The following CACNA1B variants were observed in gnomAD, a reference collection of about 807,000 sequenced individuals.
CACNA1B encodes the protein calcium voltage-gated channel subunit alpha1 B, also known as voltage-dependent N-type calcium channel subunit alpha-1B.
Under a neutral mutation model 247.2 loss-of-function variants are expected in CACNA1B, and 70 were observed. The observed-to-expected ratio is 0.28, with a 90% CI of 0.23 to 0.35. The LOEUF (loss-of-function observed/expected upper bound fraction) is 0.35, where lower values mean the gene tolerates loss of function less well. Among genes scored for constraint, CACNA1B ranks in the 10% least tolerant of loss-of-function variants. The pLI is 1.00. For synonymous variants in CACNA1B, 1,231 were observed against 1,294.4 expected, an observed-to-expected ratio of 0.95 and a Z score of 1.05; for missense variants, 2,367 against 3,197.4, an observed-to-expected ratio of 0.74 and a Z score of 6.26.
intron 20 of CACNA1B, among the ~76,000 whole-genome samples, chr9:138,025,552 G>A (rs1228638094): frequency 1.3e-5 from 2 of 152,204 alleles, no homozygotes; most frequent in African/African-American, 2.4e-5. Context: ...CTCTGTCCAC[G>A]GCCTTGACTG....
chr9:138,023,888 A>G, intron 19 of CACNA1B, 77 bp downstream of exon 19: 1 of 742,562 alleles, frequency 1.3e-6, no homozygotes, highest in South Asian at 1.5e-5. Flanking sequence ...GGCTGCGGCC[A>G]TGGGGTCCAC....
chr9:138,116,672 C>T (rs1319567469), intron 42 of CACNA1B, among the ~76,000 whole-genome samples: 1 of 152,174 alleles, frequency 6.6e-6, no homozygotes, highest in Non-Finnish European at 1.5e-5. Flanking sequence ...CAGAGAGCAC[C>T]CACTCAGACT....
chr9:138,043,709 G>A (rs1201350486), intron 20 of CACNA1B, 65 bp from the exon 21 acceptor site: 4 of 1,592,812 alleles, frequency 2.5e-6, no homozygotes, highest in Non-Finnish European at 3.4e-6. Flanking sequence ...GAGCTGGGAG[G>A]GAGCCACGCA....
chr9:138,112,418 T>G lies in CACNA1B; in HGVS notation c.5449T>G (p.Cys1817Gly), dbSNP rs1458247319. The G allele has an allele frequency of 1.2e-6, 2 of 1,613,076 alleles. No homozygotes were observed. Among genetic ancestry groups the G allele is most frequent in the Non-Finnish European group, 1.7e-6 (2 of 1,179,072 alleles). ...LAPAGTKQHQ[C>G]DAELRKEISV... ...TGCAGCTGGGACAAAGCAGCATCAG[T>G]GTGACGCGGAGTTGAGGAAGGAGAT... The change falls in exon 40 of 47, where the codon TGT becomes GGT. Residue 1817 changes from cysteine to glycine, a missense_variant. Physicochemically the swap from Cys to Gly is radical, Grantham distance 159. Around this residue, in one of 12 missense-constraint regions of CACNA1B, gnomAD observed 773 missense variants for 779.4 expected, o/e 0.99. Transcript: ENST00000371372.
At chr9:138,025,901 G>T (rs1958915152) in intron 20 of CACNA1B, among the ~76,000 whole-genome samples, 1 of 151,990 alleles carries the variant, frequency 6.6e-6, no homozygotes, top group South Asian at 2.1e-4. Flanking sequence ...TAAGTACAGA[G>T]AAAAAAGGGG....
intron 20 of CACNA1B, among the ~76,000 whole-genome samples, chr9:138,043,487 G>C (rs1055407183): frequency 6.6e-6 from 1 of 152,136 alleles, no homozygotes. Flanking sequence ...GCCCCTCAGC[G>C]CGGCAGAGGG....
chr9:138,103,328 A>C (rs1961317092), intron 38 of CACNA1B, among the ~76,000 whole-genome samples: 1 of 152,124 alleles, frequency 6.6e-6, no homozygotes, highest in Non-Finnish European at 1.5e-5. Context: ...CTCTGGGCCC[A>C]GGCTGCAGTC....
intron 3 of CACNA1B, among the ~76,000 whole-genome samples, chr9:137,889,763 T>C (rs1230534185): frequency 1.3e-5 from 2 of 149,672 alleles, no homozygotes; most frequent in Non-Finnish European, 1.5e-5. Context: ...CCTGAGAAGG[T>C]GCTGCTCTGA....
At chr9:138,074,461 G>C (rs1212502932) in intron 34 of CACNA1B, among the ~76,000 whole-genome samples, 1 of 152,198 alleles carries the variant, frequency 6.6e-6, no homozygotes, top group Non-Finnish European at 1.5e-5. Flanking sequence ...GGCTGGTATT[G>C]AACTCCTGAC....
At chr9:137,970,817 G>T (rs1239559115) in intron 10 of CACNA1B, among the ~76,000 whole-genome samples, 2 of 152,188 alleles carry the variant, frequency 1.3e-5, no homozygotes, top group African/African-American at 4.8e-5. Flanking sequence ...GGCTGGAGCA[G>T]GTAGACAAAG....
In CACNA1B at chr9:138,058,024, G is replaced by A; in HGVS notation, c.4107-25G>A. The A allele has an allele frequency of 6.2e-7, 1 of 1,605,080 alleles. No homozygotes were observed. On this transcript the variant is annotated intron_variant, in intron 27 of 46. Transcript: ENST00000371372. This position sits in a 1 kb window ranked among gnomAD's most constrained non-coding sequence, Gnocchi z 4.7. ...GGCTGTCTCCTTTGGGGGTTCCCCT[G>A]ACACTTGCTCTCCTCTTTGCCCAGG...
chr9:138,058,232 C>T lies in CACNA1B; in HGVS notation c.4290C>T (p.Cys1430=). 1 of 1,613,568 alleles carries T rather than the reference C, an allele frequency of 6.2e-7. No individual in the cohort carries two copies. Among genetic ancestry groups the T allele is most frequent in the Non-Finnish European group, 8.5e-7 (1 of 1,179,472 alleles). Residue 1430 remains cysteine, a synonymous_variant, in exon 28 of 47, where the codon TGC becomes TGT. Transcript: ENST00000371372. The surrounding 1 kb of genome is among the most constrained non-coding windows in gnomAD (Gnocchi z 4.7). ...QEQGDKVMSE[C]SLEKNERACI... ...AGGGGGACAAGGTGATGTCTGAATG[C>T]AGCCTGGAGAAGAACGAGGTAGGTG... is the stretch of plus-strand genomic sequence containing the variant.
At chr9:137,916,617 T>C (rs2133282260) in intron 5 of CACNA1B, among the ~76,000 whole-genome samples, 1 of 152,338 alleles carries the variant, frequency 6.6e-6, no homozygotes, top group Admixed American at 6.5e-5. Flanking sequence ...GGCACCAGAC[T>C]GCACAGTGGC....
chr9:138,067,993 T>A (rs1042127431), intron 31 of CACNA1B, among the ~76,000 whole-genome samples: 1 of 152,184 alleles, frequency 6.6e-6, no homozygotes, highest in African/African-American at 2.4e-5. Flanking sequence ...GCAAATGATG[T>A]GAAATTGAAA....
Position 138,050,761 on chromosome 9 carries a change from C to T in CACNA1B, c.3711-1331C>T, listed in dbSNP as rs1222890596. Among the ~76,000 whole-genome samples the T allele has an allele frequency of 1.3e-5, 2 of 152,144 alleles. No individual in the cohort carries two copies. The highest frequency in any genetic ancestry group is 2.9e-5 in the Non-Finnish European group (2 of 68,016). The stretch of plus-strand genomic sequence containing the variant: ...CTCCTGCTCCTGTCCCCTCTTCCCT[C>T]AGCTGGCGGAGGAGCTGGTTTGAGA... On this transcript the variant is annotated intron_variant, in intron 24 of 46. Transcript: ENST00000371372. The surrounding 1 kb of genome is among the most constrained non-coding windows in gnomAD (Gnocchi z 5.2).
At chr9:138,034,649 T>A (rs1959022044) in intron 20 of CACNA1B, among the ~76,000 whole-genome samples, 1 of 152,128 alleles carries the variant, frequency 6.6e-6, no homozygotes, top group South Asian at 2.1e-4. Flanking sequence ...AGGATATATA[T>A]GAGGCATAAA....
chr9:138,034,298 G>T (rs1351384060), intron 20 of CACNA1B, among the ~76,000 whole-genome samples: 1 of 152,072 alleles, frequency 6.6e-6, no homozygotes, highest in Non-Finnish European at 1.5e-5. Context: ...TGTGTATTGG[G>T]GGTCTTGTTA....
intron 35 of CACNA1B, among the ~76,000 whole-genome samples, chr9:138,077,216 T>C (rs913474048): frequency 3.9e-5 from 6 of 152,180 alleles, no homozygotes; most frequent in Non-Finnish European, 8.8e-5. Context: ...AGCTTACGCC[T>C]GGGGCTGCGC....
At chr9:138,005,852 G>T (rs1958641034) in intron 15 of CACNA1B, among the ~76,000 whole-genome samples, 1 of 152,042 alleles carries the variant, frequency 6.6e-6, no homozygotes, top group African/African-American at 2.4e-5. Flanking sequence ...GACCATCCTG[G>T]CTAATGCGGT....
Sources: allele counts gnomAD v4.1 joint callset (sites outside exome capture counted in the v4.1 genomes callset), GRCh38; gene constraint gnomAD v4.1.1; regional missense constraint gnomAD v4.1.1; non-coding constraint Gnocchi (gnomAD v3.1); transcripts MANE v1.5; gene names NCBI Gene and HGNC (gene_info 2026-07-23, HGNC 2026-07-21).